Variants in DIAPH2 observed in about 807,000 individuals in gnomAD.
DIAPH2 encodes diaphanous related formin 2, also known as protein diaphanous homolog 2.
Under a neutral mutation model 92.7 loss-of-function variants are expected in DIAPH2, and 35 were observed. The observed-to-expected ratio is 0.38, with a 90% CI of 0.29 to 0.50. DIAPH2 has a LOEUF of 0.50. Ranked by LOEUF, DIAPH2 falls within the 20% of genes least tolerant of loss-of-function variation. DIAPH2 has a pLI of 0.94. For synonymous variants in DIAPH2, 301 were observed against 280.4 expected (o/e 1.07, Z -0.73); for missense variants, 701 against 819.5 (o/e 0.86, Z 1.77).
intron 24 of DIAPH2, among the ~76,000 whole-genome samples, chrX:97,372,506 C>A (rs1205334274): frequency 8.9e-6 from 1 of 111,876 alleles, no homozygotes; most frequent in Admixed American, 9.5e-5. Flanking sequence ...TCAGTGAACA[C>A]ATACTTGAAT....
chrX:97,190,895 C>T (rs1026925941), intron 22 of DIAPH2, among the ~76,000 whole-genome samples: 2 of 109,096 alleles, frequency 1.8e-5, no homozygotes, highest in African/African-American at 6.7e-5. Context: ...CACTGCCAGT[C>T]CTTCCCCCAG....
intron 3 of DIAPH2, among the ~76,000 whole-genome samples, chrX:96,757,403 G>A (rs1178655717): frequency 9.0e-6 from 1 of 111,683 alleles, no homozygotes; most frequent in Admixed American, 9.5e-5. Context: ...TGCATTTTGA[G>A]GCACAGCCAT....
At chrX:97,206,348 A>AT (rs1433212732) in intron 22 of DIAPH2, among the ~76,000 whole-genome samples, 2 of 112,101 alleles carry the variant, frequency 1.8e-5, no homozygotes, top group Non-Finnish European at 3.8e-5. Flanking sequence ...TAAAAATGAA[A>AT]GTATACACCT....
At chrX:97,168,580 T>TA (rs1052472640) in intron 22 of DIAPH2, among the ~76,000 whole-genome samples, 2 of 110,527 alleles carry the variant, frequency 1.8e-5, no homozygotes, top group South Asian at 3.8e-4. Context: ...AAAATACATT[T>TA]AAAAAAAAAC....
chrX:97,359,446 G>A (rs1328424483), intron 24 of DIAPH2, among the ~76,000 whole-genome samples: 1 of 108,972 alleles, frequency 9.2e-6, no homozygotes, highest in African/African-American at 3.3e-5. Flanking sequence ...TCCTATATAT[G>A]TGTGTGTGTG....
intron 22 of DIAPH2, among the ~76,000 whole-genome samples, chrX:97,206,750 A>G (rs1295504795): frequency 8.9e-6 from 1 of 111,793 alleles, no homozygotes; most frequent in Non-Finnish European, 1.9e-5. Flanking sequence ...TGATGAAGAT[A>G]GTATGTTTGA....
chrX:96,773,244 C>CCCCG (rs1556143661), intron 4 of DIAPH2, among the ~76,000 whole-genome samples: 1 of 86,473 alleles, frequency 1.2e-5, no homozygotes, highest in Admixed American at 1.3e-4. Flanking sequence ...GTTTCCCCCC[C>CCCCG]CCTCCCGCCC....
rs1280793067 is a variant in DIAPH2 at position 96,988,719 on chromosome X, A to G, written c.2050+23512A>G. Among the ~76,000 whole-genome samples, 6 of 111,151 alleles carry G rather than the reference A, an allele frequency of 5.4e-5. No individual in the cohort carries two copies. The East Asian group carries it at 1.7e-3, about 31-fold the overall frequency. On this transcript the variant is annotated intron_variant, in intron 17 of 26. Transcript: ENST00000324765. ...GGCTTTATCATTAACCTTTGCTTCA[A>G]CTCTAGGGATTTGTGCTTTGTTTGA...
intron 26 of DIAPH2, among the ~76,000 whole-genome samples, chrX:97,444,427 A>ATGC (rs1436181523): frequency 2.7e-5 from 3 of 111,824 alleles, no homozygotes; most frequent in Non-Finnish European, 5.6e-5. Flanking sequence ...TGGAAAGTTA[A>ATGC]TGCTATTGTG....
At chrX:97,589,027 A>ATATATATATATAT (rs748240865) in intron 26 of DIAPH2, among the ~76,000 whole-genome samples, 117 of 85,036 alleles carry the variant, frequency 1.4e-3, no homozygotes, top group Non-Finnish European at 1.6e-3. Flanking sequence ...ATATATATAT[A>ATATATATATATAT]AAAGAATCAG....
chrX:97,413,140 G>C (rs1440830369), intron 25 of DIAPH2, among the ~76,000 whole-genome samples: 1 of 111,700 alleles, frequency 9.0e-6, no homozygotes, highest in Non-Finnish European at 1.9e-5. Flanking sequence ...GATGAACATC[G>C]ATGTGAAAAT....
chrX:96,810,435 T>A (rs138314123), intron 4 of DIAPH2, among the ~76,000 whole-genome samples: 7,371 of 94,230 alleles, frequency 0.078, 222 homozygotes, highest in Middle Eastern at 0.2. Context: ...GTCAGATGGG[T>A]AGATTACAAA....
intron 25 of DIAPH2, among the ~76,000 whole-genome samples, chrX:97,415,518 C>T (rs1460943852): frequency 1.8e-5 from 2 of 111,546 alleles, no homozygotes; most frequent in Non-Finnish European, 1.9e-5. Context: ...AAATACTATG[C>T]AGCCATAAAA....
intron 23 of DIAPH2, among the ~76,000 whole-genome samples, chrX:97,283,470 G>T (rs2068515045): frequency 9.0e-6 from 1 of 111,615 alleles, no homozygotes; most frequent in Non-Finnish European, 1.9e-5. Flanking sequence ...AGAGAGAGAG[G>T]ATGCTTAGTG....
rs1259621857 is a variant in DIAPH2, at chrX:97,053,018, G to A, written c.2051-19923G>A. On this transcript the variant is annotated intron_variant, in intron 17 of 26. Coordinates refer to ENST00000324765, the MANE Select transcript of DIAPH2 (RefSeq NM_006729.5). ...CTTTCTCCATCCAGCACCAAGGTTT[G>A]TTATGGGCAATTTTCTTTTCAGGCC... Among the ~76,000 whole-genome samples, 3 of 111,461 alleles carry A rather than the reference G, an allele frequency of 2.7e-5. No homozygotes were observed. The East Asian group carries it at 8.5e-4, about 32-fold the overall frequency.
chrX:96,755,947 T>C (rs1380935602), intron 3 of DIAPH2, among the ~76,000 whole-genome samples: 1 of 108,311 alleles, frequency 9.2e-6, no homozygotes, highest in African/African-American at 3.4e-5. Context: ...CACTGCAACC[T>C]CTACCTCCTG....
At chrX:97,590,772 T>C (rs1400368468) in intron 26 of DIAPH2, among the ~76,000 whole-genome samples, 1 of 112,012 alleles carries the variant, frequency 8.9e-6, no homozygotes, top group African/African-American at 3.2e-5. Flanking sequence ...CTTGATACTA[T>C]CTAGGATATC....
chrX:97,010,951 A>G (rs1443239446), intron 17 of DIAPH2, among the ~76,000 whole-genome samples: 3 of 111,833 alleles, frequency 2.7e-5, no homozygotes, highest in Non-Finnish European at 5.6e-5. Context: ...ATTACAACCT[A>G]TACTGGAGAA....
At chrX:96,970,658 C>G (rs1271948355) in intron 17 of DIAPH2, among the ~76,000 whole-genome samples, 1 of 109,987 alleles carries the variant, frequency 9.1e-6, no homozygotes, top group Non-Finnish European at 1.9e-5. Context: ...AGGTAGCGGT[C>G]CATTTATCTT....
Sources: gnomAD v4.1 joint callset for allele counts (sites outside exome capture counted in the v4.1 genomes callset) on GRCh38, gnomAD v4.1.1 for gene constraint, MANE v1.5 for transcripts, NCBI Gene and HGNC (gene_info 2026-07-23, HGNC 2026-07-21) for gene names.